Variants in SLC24A2 observed in about 807,000 individuals in gnomAD.
The protein encoded by SLC24A2 is solute carrier family 24 member 2.
SLC24A2 carries 36 observed loss-of-function variants against 62.0 expected under a neutral mutation model. The observed-to-expected ratio is 0.58, with a 90% CI of 0.44 to 0.77. SLC24A2 has a LOEUF of 0.77. Among genes scored for constraint, SLC24A2 ranks in the 30% least tolerant of loss-of-function variants. The pLI is 0.00. For missense variants in SLC24A2, 846 were observed against 817.9 expected, an observed-to-expected ratio of 1.03 and a Z score of -0.42; for synonymous variants, 358 against 294.0, an observed-to-expected ratio of 1.22 and a Z score of -2.23.
the SLC24A2 span, among the ~76,000 whole-genome samples, chr9:20,240,093 TC>T: frequency 6.6e-6 from 1 of 152,018 alleles, no homozygotes; most frequent in African/African-American, 2.4e-5. Flanking sequence ...TGTCTCCCTC[TC>T]CCCTACTGTT....
At chr9:19,677,547 T>C (rs1819595893) in intron 2 of SLC24A2, among the ~76,000 whole-genome samples, 1 of 152,196 alleles carries the variant, frequency 6.6e-6, no homozygotes, top group South Asian at 2.1e-4. Context: ...AGGTTTCCTG[T>C]ATAACAAACG....
chr9:20,101,744 T>C, the SLC24A2 span, among the ~76,000 whole-genome samples: 1 of 151,862 alleles, frequency 6.6e-6, no homozygotes, highest in Admixed American at 6.6e-5. Flanking sequence ...CTGAAAAAAA[T>C]GTTTTTTTTA....
chr9:20,140,008 G>A, the SLC24A2 span, among the ~76,000 whole-genome samples: 84 of 152,274 alleles, frequency 5.5e-4, no homozygotes, highest in African/African-American at 1.9e-3. Flanking sequence ...GGACTGATGC[G>A]TGCTGCTCAT....
intron 8 of SLC24A2, among the ~76,000 whole-genome samples, chr9:19,529,672 C>CT (rs1277282604): frequency 2.0e-5 from 3 of 151,606 alleles, no homozygotes; most frequent in East Asian, 1.9e-4. Context: ...CAGACCCCTC[C>CT]TAGGGACCTA....
the SLC24A2 span, among the ~76,000 whole-genome samples, chr9:19,993,630 A>T: frequency 6.6e-6 from 1 of 152,104 alleles, no homozygotes; most frequent in Non-Finnish European, 1.5e-5. Context: ...TTCATTCCAC[A>T]TCTCCTCCTC....
chr9:19,709,648 C>G (rs182026246), intron 2 of SLC24A2, among the ~76,000 whole-genome samples: 5 of 150,904 alleles, frequency 3.3e-5, no homozygotes, highest in African/African-American at 9.7e-5. Flanking sequence ...AGCAAACTAT[C>G]GCAAGGACAA....
chr9:20,075,257 G>A, the SLC24A2 span, among the ~76,000 whole-genome samples: 2 of 152,144 alleles, frequency 1.3e-5, no homozygotes, highest in Non-Finnish European at 2.9e-5. Flanking sequence ...ACACCATGTT[G>A]AGTGCTTTAC....
chr9:19,882,553 G>A, the SLC24A2 span, among the ~76,000 whole-genome samples: 1 of 151,776 alleles, frequency 6.6e-6, no homozygotes, highest in Non-Finnish European at 1.5e-5. Flanking sequence ...CACAAGAAAT[G>A]GCATGGAAAT....
chr9:20,084,020 A>G, the SLC24A2 span, among the ~76,000 whole-genome samples: 1 of 152,194 alleles, frequency 6.6e-6, no homozygotes, highest in African/African-American at 2.4e-5. Flanking sequence ...TAATAACCCA[A>G]TGGTCAGAGC....
intron 2 of SLC24A2, among the ~76,000 whole-genome samples, chr9:19,680,243 G>A (rs574212632): frequency 1.1e-3 from 166 of 152,260 alleles, no homozygotes; most frequent in African/African-American, 3.8e-3. Flanking sequence ...CAGAAGAGGT[G>A]TCCCTTCAGC....
At chr9:19,920,691 C>G in the SLC24A2 span, among the ~76,000 whole-genome samples, 1 of 152,190 alleles carries the variant, frequency 6.6e-6, no homozygotes, top group Admixed American at 6.5e-5. Flanking sequence ...TGTTAACTCT[C>G]CACGCTTCCC....
chr9:19,614,103 T>C (rs1229214560), intron 4 of SLC24A2, among the ~76,000 whole-genome samples: 1 of 152,192 alleles, frequency 6.6e-6, no homozygotes, highest in Non-Finnish European at 1.5e-5. Context: ...AGCATCCTTG[T>C]TTTTAGGTTC....
chr9:20,108,739 C>T, the SLC24A2 span, among the ~76,000 whole-genome samples: 12 of 151,728 alleles, frequency 7.9e-5, no homozygotes, highest in African/African-American at 2.7e-4. Flanking sequence ...AGGAGATATA[C>T]CTAATGTTAA....
chr9:19,998,757 A>G, the SLC24A2 span, among the ~76,000 whole-genome samples: 2 of 152,054 alleles, frequency 1.3e-5, no homozygotes, highest in African/African-American at 4.8e-5. Flanking sequence ...AGAAATAGAA[A>G]CTCACTCCTT....
chr9:20,064,968 A>G, the SLC24A2 span, among the ~76,000 whole-genome samples: 1 of 152,164 alleles, frequency 6.6e-6, no homozygotes, highest in Non-Finnish European at 1.5e-5. Context: ...GGCAGGTGAA[A>G]GTGAGTAGTG....
intron 2 of SLC24A2, among the ~76,000 whole-genome samples, chr9:19,734,577 A>T (rs552152252): frequency 1.3e-5 from 2 of 152,216 alleles, no homozygotes; most frequent in South Asian, 4.1e-4. Context: ...AGTGGTTTGT[A>T]GTTCTCCTTG....
chr9:20,032,492 G>A, the SLC24A2 span, among the ~76,000 whole-genome samples: 1 of 152,166 alleles, frequency 6.6e-6, no homozygotes, highest in Non-Finnish European at 1.5e-5. Flanking sequence ...ATAATTATCT[G>A]CTAAATCAAT....
At chr9:20,015,452 C>T in the SLC24A2 span, among the ~76,000 whole-genome samples, 4 of 152,274 alleles carry the variant, frequency 2.6e-5, no homozygotes, top group East Asian at 7.7e-4. Flanking sequence ...TGTGTAAAAT[C>T]AACTCAACAT....
At chr9:19,597,455 T>G (rs986542463) in intron 4 of SLC24A2, among the ~76,000 whole-genome samples, 176 bp from the exon 5 acceptor site, 1 of 152,370 alleles carries the variant, frequency 6.6e-6, no homozygotes, top group East Asian at 1.9e-4. Flanking sequence ...CGGCCCATTT[T>G]CAGAAATCAC....
Sources: allele counts gnomAD v4.1 joint callset (sites outside exome capture counted in the v4.1 genomes callset), GRCh38; gene constraint gnomAD v4.1.1; transcripts MANE v1.5; gene names NCBI Gene and HGNC (gene_info 2026-07-23, HGNC 2026-07-21).